The following TARS2 variants were observed in gnomAD, a reference collection of about 807,000 sequenced individuals.
TARS2 encodes threonine--tRNA ligase, mitochondrial.
A neutral mutation model predicts 94.4 loss-of-function variants in TARS2; 61 were observed. The observed-to-expected ratio is 0.65, with a 90% CI of 0.53 to 0.80. The LOEUF (loss-of-function observed/expected upper bound fraction) is 0.80. TARS2 is among the 30% of genes least tolerant of loss of function. The pLI is 0.00. For missense variants in TARS2, 704 were observed against 902.5 expected, an observed-to-expected ratio of 0.78 and a Z score of 2.82; for synonymous variants, 359 against 353.4, an observed-to-expected ratio of 1.02 and a Z score of -0.18.
chr1:150,491,376 C>T lies in TARS2; in HGVS notation c.513-18C>T. ...TGCACCTCATAGGATGCAACCCAAC[C>T]AATTCTCCTCTTTCCAGGACAATCC... On this transcript the variant is annotated intron_variant, in intron 4 of 17. Coordinates refer to ENST00000369064, the MANE Select transcript of TARS2 (RefSeq NM_025150.5). The T allele has an allele frequency of 6.2e-7, 1 of 1,612,016 alleles. No individual in the cohort carries two copies. Among genetic ancestry groups the T allele is most frequent in the Non-Finnish European group, 8.5e-7 (1 of 1,179,774 alleles).
At chr1:150,497,059 GA>G (rs1224194559) in intron 9 of TARS2, 151 bp downstream of exon 9, 5 of 698,946 alleles carry the variant, frequency 7.2e-6, no homozygotes, top group Non-Finnish European at 1.2e-5. Context: ...GAGCCGTGCA[GA>G]TCACCTGAGG....
In TARS2 at chr1:150,506,796, A is replaced by G. The variant is rs1200041635; in HGVS notation, c.2009-120A>G. On this transcript the variant is annotated intron_variant, in intron 17 of 17. Coordinates refer to ENST00000369064, the MANE Select transcript of TARS2 (RefSeq NM_025150.5). ...TGAATACTTCCTTTCTGTGAACCAT[A>G]TCTGGGCTCTGCTCCCACCCTTCCT... The G allele has an allele frequency of 5.3e-6, 7 of 1,324,508 alleles. No individual in the cohort carries two copies. In the Admixed American group the frequency reaches 6.2e-5, roughly 12 times the overall value. The allele number at this position is 1,324,508 out of a possible 1,614,324, so 82.0% of individuals were successfully genotyped here.
chr1:150,503,645 ATG>A (rs1341187822), intron 13 of TARS2, among the ~76,000 whole-genome samples: 2 of 68,844 alleles, frequency 2.9e-5, no homozygotes, highest in African/African-American at 6.7e-5. Flanking sequence ...GTGTGTATAT[ATG>A]TGTGTATATA....
intron 7 of TARS2, 95 bp downstream of exon 7, chr1:150,492,584 G>A (rs1669445405): frequency 7.6e-7 from 1 of 1,318,076 alleles, no homozygotes; most frequent in Non-Finnish European, 1.1e-6. Flanking sequence ...GGCTGAGGCA[G>A]ATGGATCATA....
chr1:150,500,725 G>A (rs982457664), intron 13 of TARS2, among the ~76,000 whole-genome samples: 30 of 152,114 alleles, frequency 2.0e-4, no homozygotes, highest in African/African-American at 7.0e-4. Context: ...TTAGCCCAGC[G>A]TGGTGACAGG....
At chr1:150,490,044 A>T (rs896686996) in intron 3 of TARS2, among the ~76,000 whole-genome samples, 2 of 146,058 alleles carry the variant, frequency 1.4e-5, no homozygotes, top group African/African-American at 5.1e-5. Flanking sequence ...CCAAGGATTG[A>T]GGGGTGGGGC....
At chr1:150,502,410 G>A (rs979040708) in intron 13 of TARS2, among the ~76,000 whole-genome samples, 2 of 145,430 alleles carry the variant, frequency 1.4e-5, no homozygotes, top group African/African-American at 5.1e-5. Context: ...TTTTTGAGGC[G>A]GAGTTTTACT....
At position 150,498,639 on chromosome 1, in the gene TARS2, C is replaced by T. The variant is rs1366102785; in HGVS notation, c.1376C>T (p.Ala459Val). The T allele has an allele frequency of 6.2e-7, 1 of 1,612,788 alleles. No homozygotes were observed. Among genetic ancestry groups the T allele is most frequent in the Non-Finnish European group, 8.5e-7 (1 of 1,179,612 alleles). ...CTGCGGTGCTTCCAGCAGGATGACG[C>T]TCACATCTTCTGTACAACAGATCAG... is the stretch of plus-strand genomic sequence containing the variant. Reference protein sequence around the residue: ...TRLRCFQQDDAHIFCTTDQLE... With the variant: ...TRLRCFQQDDVHIFCTTDQLE... Residue 459 changes from alanine to valine, a missense_variant, in exon 11 of 18, where the codon GCT (alanine) becomes GTT (valine). By Grantham distance (64) the Ala-to-Val change is moderately conservative (BLOSUM62 0). Around this residue, in one of 3 missense-constraint regions of TARS2, gnomAD observed 466 missense variants for 609.5 expected, o/e 0.76. Transcript: ENST00000369064.
At chr1:150,488,199 T>G (rs1452706813) in intron 2 of TARS2, 145 bp downstream of exon 2, 1 of 998,206 alleles carries the variant, frequency 1.0e-6, no homozygotes, top group Non-Finnish European at 1.4e-6. Flanking sequence ...GTTTTTGTTT[T>G]TTGTTGTTGT....
At position 150,498,550 on chromosome 1, in the gene TARS2, A is replaced by G. The variant is rs1669770090; in HGVS notation, c.1287A>G (p.Arg429=). ...RPRSWRELPL[R]LADFGALHRA... The stretch of plus-strand genomic sequence containing the variant: ...GATCCTGGCGGGAACTGCCCCTGCG[A>G]CTAGCTGACTTTGGGGCTCTACACC... Residue 429 remains arginine, a synonymous_variant, in exon 11 of 18, where the codon CGA becomes CGG. Coordinates refer to ENST00000369064, the MANE Select transcript of TARS2 (RefSeq NM_025150.5). The G allele has an allele frequency of 1.2e-6, 2 of 1,602,974 alleles. No homozygotes were observed. Among genetic ancestry groups the G allele is most frequent in the South Asian group, 1.1e-5 (1 of 89,422 alleles).
intron 1 of TARS2, 70 bp downstream of exon 1, chr1:150,487,586 G>A: frequency 6.2e-7 from 1 of 1,600,328 alleles, no homozygotes; most frequent in Non-Finnish European, 8.5e-7. Flanking sequence ...AAATTTTTAT[G>A]TTAACCCAGC....
At position 150,496,542 on chromosome 1, in the gene TARS2, A is replaced by T; in HGVS notation, c.835A>T (p.Ile279Phe). 1.2e-6 allele frequency: 2 copies of T among 1,614,090 alleles called. No individual in the cohort carries two copies. The highest frequency in any genetic ancestry group is 1.7e-6 in the Non-Finnish European group (2 of 1,180,034). The change falls in exon 8 of 18, where the codon ATT becomes TTT. Residue 279 changes from isoleucine (I) to phenylalanine (F), a missense_variant. Coordinates refer to ENST00000369064, the MANE Select transcript of TARS2 (RefSeq NM_025150.5). ...APETLQRVSG[I>F]SFPTTELLRV... ...AGAGACACTGCAGAGAGTGTCAGGGATTTCCTTCCCCACAACAGAATTGCT... is the reference window on the plus strand; with the variant it reads ...AGAGACACTGCAGAGAGTGTCAGGGTTTTCCTTCCCCACAACAGAATTGCT...
At chr1:150,494,953 A>T (rs973420903) in intron 7 of TARS2, among the ~76,000 whole-genome samples, 1 of 151,938 alleles carries the variant, frequency 6.6e-6, no homozygotes. Flanking sequence ...AGGCTGAGGC[A>T]GGCGGATCAT....
In TARS2 at chr1:150,507,543, G is replaced by A. The variant is rs369791361; in HGVS notation, c.*479G>A. 6.4e-5 allele frequency: 10 copies of A among 156,208 alleles called. No individual in the cohort carries two copies. The highest frequency in any genetic ancestry group is 2.4e-4 in the African/African-American group (10 of 41,478). 9.7% of individuals were successfully genotyped at this position (156,208 alleles called of 1,614,324 possible). On this transcript the variant is annotated 3_prime_UTR_variant, in exon 18 of 18. Coordinates refer to ENST00000369064, the MANE Select transcript of TARS2 (RefSeq NM_025150.5). Reference sequence around the variant, plus strand: ...GAGATTGCGCCACTGCACCCCCCTAGGCGACAGAGCGAGACTCTGTCTCTA... The same window carrying A: ...GAGATTGCGCCACTGCACCCCCCTAAGCGACAGAGCGAGACTCTGTCTCTA...
chr1:150,504,945 T>A lies in TARS2; in HGVS notation c.1860T>A (p.Pro620=), dbSNP rs1670135067. ...CCCCGTTCCAGGTGGTGGTCATCCC[T>A]GTGGGGAGTGAGCAAGAGGAATACG... is the stretch of plus-strand genomic sequence containing the variant. ...WLSPFQVVVI[P]VGSEQEEYAK... is the part of the protein sequence containing the mutation. Residue 620 remains proline (P), a synonymous_variant, in exon 16 of 18, where the codon CCT becomes CCA. Transcript: ENST00000369064. The A allele has an allele frequency of 6.2e-7, 1 of 1,614,134 alleles. No homozygotes were observed. Among genetic ancestry groups the A allele is most frequent in the African/African-American group, 1.3e-5 (1 of 75,030 alleles).
intron 13 of TARS2, among the ~76,000 whole-genome samples, chr1:150,503,718 CACACACACATAT>C (rs1322379010): frequency 1.3e-5 from 2 of 149,612 alleles, no homozygotes; most frequent in East Asian, 2.0e-4. Flanking sequence ...TACACACACA[CACACACACATAT>C]ACACACACAT....
rs1467747600 is a variant in TARS2, at chr1:150,492,465, G to A, written c.750G>A (p.Gln250=). Residue 250 remains glutamine, a synonymous_variant, in exon 7 of 18, where the codon CAG becomes CAA. Coordinates refer to ENST00000369064, the MANE Select transcript of TARS2 (RefSeq NM_025150.5). The part of the protein sequence containing the change: ...CQGPHLRHTG[Q]IGGLKLLSNS... ...GCCCCCACCTTCGGCATACTGGACA[G>A]ATTGGAGGACTGAAGCTGCTATCGG... 6.2e-6 allele frequency: 10 copies of A among 1,614,008 alleles called. No individual in the cohort carries two copies. Among genetic ancestry groups the A allele is most frequent in the Non-Finnish European group, 8.5e-6 (10 of 1,179,940 alleles).
chr1:150,497,005 G>A (rs921361383), intron 9 of TARS2, 97 bp downstream of exon 9: 17 of 1,141,728 alleles, frequency 1.5e-5, no homozygotes, highest in African/African-American at 9.3e-5. Flanking sequence ...GGTTGGGGCC[G>A]GGCACAGTGG....
At chr1:150,506,349 A>G (rs1670200841) in intron 17 of TARS2, among the ~76,000 whole-genome samples, 1 of 151,924 alleles carries the variant, frequency 6.6e-6, no homozygotes, top group Non-Finnish European at 1.5e-5. Flanking sequence ...CCTAACAGAC[A>G]CCAAGAGCCA....
Sources: gnomAD v4.1 joint callset for allele counts (sites outside exome capture counted in the v4.1 genomes callset) on GRCh38, gnomAD v4.1.1 for gene constraint, gnomAD v4.1.1 regional missense constraint, MANE v1.5 for transcripts, NCBI Gene and HGNC (gene_info 2026-07-23, HGNC 2026-07-21) for gene names.